OR51B5: variants seen among roughly 807,000 people sequenced by gnomAD.
OR51B5 encodes olfactory receptor 51B5.
For missense variants in OR51B5, 456 were observed against 374.6 expected (o/e 1.22, Z -1.79); for synonymous variants, 186 against 144.8 (o/e 1.28, Z -2.04).
At chr11:5,362,538 G>C (rs1166634313) in intron 1 of OR51B5, 1 of 160,426 alleles carries the variant, frequency 6.2e-6, no homozygotes, top group Non-Finnish European at 1.4e-5. Flanking sequence ...GAGCAGAGAT[G>C]AAGTCAGGAA....
chr11:5,409,469 G>A (rs549306702), intron 1 of OR51B5, among the ~76,000 whole-genome samples: 3 of 150,904 alleles, frequency 2.0e-5, no homozygotes, highest in African/African-American at 4.9e-5. Flanking sequence ...CCAAAGAATC[G>A]GAAAATATTA....
At chr11:5,363,235 CCTCACACACACACACACACA>C (rs1849312807) in intron 1 of OR51B5, among the ~76,000 whole-genome samples, 1 of 85,294 alleles carries the variant, frequency 1.2e-5, no homozygotes, top group Non-Finnish European at 2.6e-5. Flanking sequence ...GAACCCAACC[CCTCACACACACACACACACA>C]CACACACACA....
intron 1 of OR51B5, among the ~76,000 whole-genome samples, chr11:5,450,464 G>T (rs76208842): frequency 0.016 from 2,363 of 152,114 alleles, 57 homozygotes; most frequent in African/African-American, 0.053. Flanking sequence ...ATATTTCTAC[G>T]CTTATATAGC....
At chr11:5,400,171 A>G (rs1293887192) in intron 1 of OR51B5, among the ~76,000 whole-genome samples, 1 of 152,166 alleles carries the variant, frequency 6.6e-6, no homozygotes, top group African/African-American at 2.4e-5. Flanking sequence ...CCTGCCCTAC[A>G]TTTTAACATA....
At chr11:5,410,437 T>C (rs1179815994) in intron 1 of OR51B5, among the ~76,000 whole-genome samples, 1 of 152,144 alleles carries the variant, frequency 6.6e-6, no homozygotes, top group Non-Finnish European at 1.5e-5. Context: ...TACGAGATAA[T>C]CACTAAAAGA....
intron 1 of OR51B5, among the ~76,000 whole-genome samples, chr11:5,434,097 A>G (rs1445552702): frequency 6.6e-6 from 1 of 152,146 alleles, no homozygotes; most frequent in African/African-American, 2.4e-5. Context: ...AGAACTTAAA[A>G]ATCCCAGTGC....
intron 1 of OR51B5, among the ~76,000 whole-genome samples, chr11:5,373,417 T>C (rs1849473358): frequency 1.3e-5 from 2 of 152,164 alleles, no homozygotes; most frequent in South Asian, 4.2e-4. Context: ...AGACGGGTGA[T>C]TTCTGCATTT....
intron 1 of OR51B5, among the ~76,000 whole-genome samples, chr11:5,385,758 T>C (rs1431068765): frequency 2.7e-5 from 4 of 149,266 alleles, no homozygotes; most frequent in South Asian, 2.1e-4. Flanking sequence ...TGTTTACATA[T>C]ATAAATATAC....
intron 1 of OR51B5, among the ~76,000 whole-genome samples, chr11:5,414,177 A>T (rs1177411297): frequency 6.6e-6 from 1 of 151,934 alleles, no homozygotes; most frequent in Non-Finnish European, 1.5e-5. Context: ...ATATCCAGCC[A>T]AACTAAGCTT....
chr11:5,442,618 G>A (rs938356343), intron 1 of OR51B5, among the ~76,000 whole-genome samples: 11 of 152,048 alleles, frequency 7.2e-5, no homozygotes, highest in Admixed American at 7.2e-4. Context: ...GTCTCTCCAG[G>A]TACCTGAAAA....
chr11:5,479,690 A>G, intron 1 of OR51B5, among the ~76,000 whole-genome samples: 1 of 151,084 alleles, frequency 6.6e-6, no homozygotes. Context: ...ATGGAAAACA[A>G]AAAAAGGCAG....
At chr11:5,430,498 G>A (rs1404186151) in intron 1 of OR51B5, among the ~76,000 whole-genome samples, 3 of 152,176 alleles carry the variant, frequency 2.0e-5, no homozygotes, top group Non-Finnish European at 4.4e-5. Flanking sequence ...AAAGGGTTAG[G>A]AATAACTCTT....
intron 1 of OR51B5, among the ~76,000 whole-genome samples, chr11:5,358,921 AG>A (rs1178699697): frequency 1.3e-5 from 2 of 151,866 alleles, no homozygotes; most frequent in Non-Finnish European, 2.9e-5. Flanking sequence ...GATGCAGAAA[AG>A]GCCTTTGACA....
chr11:5,378,202 A>C (rs983075837), intron 1 of OR51B5, among the ~76,000 whole-genome samples: 11 of 151,954 alleles, frequency 7.2e-5, no homozygotes, highest in East Asian at 5.8e-4. Context: ...GAAAAACAAG[A>C]AATGGGGAAA....
intron 1 of OR51B5, among the ~76,000 whole-genome samples, chr11:5,461,987 A>G (rs1414168198): frequency 6.6e-6 from 1 of 152,150 alleles, no homozygotes; most frequent in Non-Finnish European, 1.5e-5. Flanking sequence ...CTAGTTAACC[A>G]TCATGGCTCT....
chr11:5,464,843 A>T (rs1208934704), intron 1 of OR51B5, among the ~76,000 whole-genome samples: 3 of 152,110 alleles, frequency 2.0e-5, no homozygotes, highest in African/African-American at 7.2e-5. Flanking sequence ...CTAGTTCTAG[A>T]TCCCTGAGGA....
At chr11:5,408,130 C>T (rs907001269) in intron 1 of OR51B5, among the ~76,000 whole-genome samples, 45 of 152,114 alleles carry the variant, frequency 3.0e-4, no homozygotes, top group African/African-American at 1.1e-3. Context: ...TATCAAATAT[C>T]TTTCATTTGC....
chr11:5,480,116 T>C (rs921465855), intron 1 of OR51B5, among the ~76,000 whole-genome samples: 2 of 152,118 alleles, frequency 1.3e-5, no homozygotes, highest in Non-Finnish European at 2.9e-5. Context: ...AGTAAAGCTC[T>C]CCTCATCAAA....
chr11:5,502,922 C>A (rs1253706287), intron 1 of OR51B5, among the ~76,000 whole-genome samples: 2 of 152,138 alleles, frequency 1.3e-5, no homozygotes, highest in Non-Finnish European at 2.9e-5. Context: ...GTATTCCTAG[C>A]ACCAAACATC....
Sources: gnomAD v4.1 joint callset for allele counts (sites outside exome capture counted in the v4.1 genomes callset) on GRCh38, gnomAD v4.1.1 for gene constraint, MANE v1.5 for transcripts, NCBI Gene and HGNC (gene_info 2026-07-23, HGNC 2026-07-21) for gene names.